EN1: variants seen among roughly 807,000 people sequenced by gnomAD.
EN1 encodes the protein homeobox protein engrailed-1.
EN1 carries 8 observed loss-of-function variants against 22.9 expected under a neutral mutation model. The ratio of observed to expected loss-of-function variants is 0.35; its 90% CI spans 0.20 to 0.63. The LOEUF (loss-of-function observed/expected upper bound fraction) is 0.63. Among genes scored for constraint, EN1 ranks in the 20% least tolerant of loss-of-function variants. EN1 has a pLI of 0.73. For synonymous variants in EN1, 287 were observed against 262.5 expected (o/e 1.09, Z -0.90); for missense variants, 521 against 572.1 (o/e 0.91, Z 0.91).
At position 118,846,389 on chromosome 2, in the gene EN1, G is replaced by A; in HGVS notation, c.779C>T (p.Pro260Leu). 2 of 1,612,520 alleles carry A rather than the reference G, an allele frequency of 1.2e-6. No individual in the cohort carries two copies. Among genetic ancestry groups the A allele is most frequent in the Non-Finnish European group, 1.7e-6 (2 of 1,179,772 alleles). ...CTGCTGCGAGTCAGTTTTGACCACGGGCCCGCCGTTGGCTGAGCCCATAAG... is the reference window on the plus strand; with the variant it reads ...CTGCTGCGAGTCAGTTTTGACCACGAGCCCGCCGTTGGCTGAGCCCATAAG... ...ILLMGSANGG[P>L]VVKTDSQQPL... is the part of the protein sequence containing the mutation. The change falls in exon 1 of 2, where the codon CCC (proline) becomes CTC (leucine). Residue 260 changes from proline to leucine, a missense_variant. By Grantham distance (98) the Pro-to-Leu change is moderately conservative. Transcript: ENST00000295206. This position sits in a 1 kb window ranked among gnomAD's most constrained non-coding sequence, Gnocchi z 5.0.
At position 118,847,143 on chromosome 2, in the gene EN1, T is replaced by G. The variant is rs1042574294; in HGVS notation, c.25A>C (p.Lys9Gln). 2.4e-6 allele frequency: 3 copies of G among 1,228,026 alleles called. No homozygotes were observed. The highest frequency in any genetic ancestry group is 3.3e-6 in the Non-Finnish European group (3 of 913,226). The allele number at this position is 1,228,026 out of a possible 1,614,324, so 76.1% of individuals were successfully genotyped here. Residue 9 changes from lysine to glutamine, a missense_variant, in exon 1 of 2, where the codon AAA becomes CAA. Physicochemically the swap from Lys to Gln is moderately conservative, Grantham distance 53. Transcript: ENST00000295206. MEEQQPEP[K>Q]SQRDSALGAA... ...CCGAGGGCCGAGTCGCGCTGACTTT[T>G]AGGTTCCGGCTGCTGTTCTTCCATG...
Position 118,842,819 on chromosome 2 carries a change from G to C in EN1, c.*119C>G. On this transcript the variant is annotated 3_prime_UTR_variant, in exon 2 of 2. Transcript: ENST00000295206. Reference sequence around the variant, plus strand: ...CTGAGGCTCTCTTTCTGTCTCTCTCGCTCTTTTCCCTGCGCTCCCTCCCTC... The same window carrying C: ...CTGAGGCTCTCTTTCTGTCTCTCTCCCTCTTTTCCCTGCGCTCCCTCCCTC... 1 of 1,417,626 alleles carries C rather than the reference G, an allele frequency of 7.1e-7. No homozygotes were observed. Among genetic ancestry groups the C allele is most frequent in the Non-Finnish European group, 9.3e-7 (1 of 1,079,852 alleles). The allele number at this position is 1,417,626 out of a possible 1,614,324, so 87.8% of individuals were successfully genotyped here. A position where few individuals can be genotyped will look rare whatever the true frequency, so the allele number is the denominator to read the frequency against.
Position 118,846,617 on chromosome 2 carries a change from T to C in EN1, c.551A>G (p.Gln184Arg). The change falls in exon 1 of 2, where the codon CAG (glutamine) becomes CGG (arginine). Residue 184 changes from glutamine (Q) to arginine (R), a missense_variant. By Grantham distance (43) the Gln-to-Arg change is conservative. This residue lies in a region of EN1 where 436 missense variants were observed against 410.1 expected (regional missense o/e 1.06). Transcript: ENST00000295206. The surrounding 1 kb of genome is among the most constrained non-coding windows in gnomAD (Gnocchi z 5.0). ...DANCGPPDGS[Q>R]PAAAGAGASK... ...CGCGCCCGCGCCGGCGGCGGCTGGC[T>C]GGGAGCCGTCGGGTGGGCCACAGTT... 2 of 1,457,016 alleles carry C rather than the reference T, an allele frequency of 1.4e-6. No individual in the cohort carries two copies. The highest frequency in any genetic ancestry group is 1.8e-6 in the Non-Finnish European group (2 of 1,109,130). 90.3% of individuals were successfully genotyped at this position (1,457,016 alleles called of 1,614,324 possible). A position where few individuals can be genotyped will look rare whatever the true frequency, so the allele number is the denominator to read the frequency against.
At position 118,847,258 on chromosome 2, in the gene EN1, G is replaced by C; in HGVS notation, c.-91C>G. Reference sequence around the variant, plus strand: ...CACTTTGCCAGCGGCCCGTGGGGGTGCGCGGAGGAAGGAGGCAGGCGAAGC... The same window carrying C: ...CACTTTGCCAGCGGCCCGTGGGGGTCCGCGGAGGAAGGAGGCAGGCGAAGC... On this transcript the variant is annotated 5_prime_UTR_variant, in exon 1 of 2. Coordinates refer to ENST00000295206, the MANE Select transcript of EN1 (RefSeq NM_001426.4). The C allele has an allele frequency of 2.3e-6, 1 of 438,710 alleles. No homozygotes were observed. The highest frequency in any genetic ancestry group is 3.9e-6 in the Non-Finnish European group (1 of 257,838). The allele number at this position is 438,710 out of a possible 1,614,324, so 27.2% of individuals were successfully genotyped here. A position where few individuals can be genotyped will look rare whatever the true frequency, so the allele number is the denominator to read the frequency against.
rs780184340 is a variant in EN1 at position 118,846,805 on chromosome 2, C to T, written c.363G>A (p.Gln121=). Residue 121 remains glutamine (Q), a synonymous_variant, in exon 1 of 2, where the codon CAG becomes CAA. Transcript: ENST00000295206. This position sits in a 1 kb window ranked among gnomAD's most constrained non-coding sequence, Gnocchi z 5.0. ...LRPDFGCKKE[Q]PPPQLLVAAA... Reference sequence around the variant, plus strand: ...CAGCCACCAGAAGCTGCGGTGGCGGCTGCTCCTTTTTGCAGCCGAAGTCCG... The same window carrying T: ...CAGCCACCAGAAGCTGCGGTGGCGGTTGCTCCTTTTTGCAGCCGAAGTCCG... The T allele has an allele frequency of 3.1e-6, 5 of 1,595,126 alleles. No homozygotes were observed. Among genetic ancestry groups the T allele is most frequent in the Non-Finnish European group, 4.2e-6 (5 of 1,177,138 alleles).
rs965575379 is a variant in EN1, at chr2:118,842,913, C to A, written c.*25G>T. On this transcript the variant is annotated 3_prime_UTR_variant, in exon 2 of 2. Coordinates refer to ENST00000295206, the MANE Select transcript of EN1 (RefSeq NM_001426.4). ...ACGGCGGCGGTGCCGGGAGGGGGCG[C>A]GGGCGCGGCCCCGGCCTGTGGCGGC... The A allele has an allele frequency of 3.8e-6, 6 of 1,584,050 alleles. No homozygotes were observed. The highest frequency in any genetic ancestry group is 5.2e-6 in the Non-Finnish European group (6 of 1,160,950).
In EN1 at chr2:118,846,769, T is replaced by C. The variant is rs1475699046; in HGVS notation, c.399A>G (p.Arg133=). 1.9e-6 allele frequency: 3 copies of C among 1,594,480 alleles called. No homozygotes were observed. The highest frequency in any genetic ancestry group is 2.2e-5 in the South Asian group (2 of 90,060). The change falls in exon 1 of 2, where the codon AGA becomes AGG. Residue 133 remains arginine, a synonymous_variant. Coordinates refer to ENST00000295206, the MANE Select transcript of EN1 (RefSeq NM_001426.4). This position sits in a 1 kb window ranked among gnomAD's most constrained non-coding sequence, Gnocchi z 5.0. ...PPQLLVAAAA[R]GGAGGGGRVE... ...CCCGGCCTCCTCCTCCTGCGCCTCCTCTGGCCGCCGCAGCCACCAGAAGCT... is the reference window on the plus strand; with the variant it reads ...CCCGGCCTCCTCCTCCTGCGCCTCCCCTGGCCGCCGCAGCCACCAGAAGCT...
At position 118,847,189 on chromosome 2, in the gene EN1, G is replaced by A. The variant is rs1249415705; in HGVS notation, c.-22C>T. ...CCATGCTCGGCCGCCCCGCCGCCCCGGCCGCCGCGCCGGCCCCCGCCCCCA... is the reference window on the plus strand; with the variant it reads ...CCATGCTCGGCCGCCCCGCCGCCCCAGCCGCCGCGCCGGCCCCCGCCCCCA... On this transcript the variant is annotated 5_prime_UTR_variant, in exon 1 of 2. Coordinates refer to ENST00000295206, the MANE Select transcript of EN1 (RefSeq NM_001426.4). 4.0e-6 allele frequency: 3 copies of A among 743,034 alleles called. No individual in the cohort carries two copies. The highest frequency in any genetic ancestry group is 3.6e-5 in the East Asian group (1 of 27,644). The allele number at this position is 743,034 out of a possible 1,614,324, so 46.0% of individuals were successfully genotyped here. A position where few individuals can be genotyped will look rare whatever the true frequency, so the allele number is the denominator to read the frequency against.
chr2:118,847,108 C>T lies in EN1; in HGVS notation c.60G>A (p.Ala20=), dbSNP rs938029391. 2 of 1,386,544 alleles carry T rather than the reference C, an allele frequency of 1.4e-6. No homozygotes were observed. The highest frequency in any genetic ancestry group is 3.0e-5 in the African/African-American group (2 of 65,940). The allele number at this position is 1,386,544 out of a possible 1,614,324, so 85.9% of individuals were successfully genotyped here. ...GGCTGAGGCCGCCCGGAGTCGCCGC[C>T]GCCGCCGCGCCGAGGGCCGAGTCGC... The part of the protein sequence containing the change: ...SQRDSALGAA[A]AATPGGLSLS... The change falls in exon 1 of 2, where the codon GCG becomes GCA. Residue 20 remains alanine, a synonymous_variant. Coordinates refer to ENST00000295206, the MANE Select transcript of EN1 (RefSeq NM_001426.4).
rs1310676551 is a variant in EN1 at position 118,847,021 on chromosome 2, C to A, written c.147G>T (p.Pro49=). Residue 49 remains proline, a synonymous_variant, in exon 1 of 2, where the codon CCG becomes CCT. Coordinates refer to ENST00000295206, the MANE Select transcript of EN1 (RefSeq NM_001426.4). ...AGGGGGGCGCAGGCTGCGGGGACAC[C>A]GGCACGCTGTCTCCATCGCTGCCGC... The part of the protein sequence containing the change: ...SGSGSDGDSV[P]VSPQPAPPSP... 8 of 1,400,734 alleles carry A rather than the reference C, an allele frequency of 5.7e-6. No individual in the cohort carries two copies. The highest frequency in any genetic ancestry group is 9.2e-7 in the Non-Finnish European group (1 of 1,081,982). The allele number at this position is 1,400,734 out of a possible 1,614,324, so 86.8% of individuals were successfully genotyped here.
chr2:118,842,858 C>A lies in EN1; in HGVS notation c.*80G>T. The A allele has an allele frequency of 6.6e-7, 1 of 1,507,732 alleles. No homozygotes were observed. Among genetic ancestry groups the A allele is most frequent in the Non-Finnish European group, 8.9e-7 (1 of 1,129,008 alleles). The allele number at this position is 1,507,732 out of a possible 1,614,324, so 93.4% of individuals were successfully genotyped here. A position where few individuals can be genotyped will look rare whatever the true frequency, so the allele number is the denominator to read the frequency against. On this transcript the variant is annotated 3_prime_UTR_variant, in exon 2 of 2. Transcript: ENST00000295206. Reference sequence around the variant, plus strand: ...GCTCCCTCCCTCCTTGGAGCAGATGCTTTCTCCCCCAGCGAGGGGCCGGGA... The same window carrying A: ...GCTCCCTCCCTCCTTGGAGCAGATGATTTCTCCCCCAGCGAGGGGCCGGGA...
At position 118,846,041 on chromosome 2, in the gene EN1, G is replaced by T. The variant is rs375200225; in HGVS notation, c.862+265C>A. 6.6e-6 allele frequency among the ~76,000 whole-genome samples: 1 copy of T among 151,994 alleles called. No individual in the cohort carries two copies. The highest frequency in any genetic ancestry group is 6.6e-5 in the Admixed American group (1 of 15,252). ...ATAATAAAGATAAGAGACAAAGAAG[G>T]CCCCAGGGATTCAGAGTTCAAAATC... On this transcript the variant is annotated intron_variant, in intron 1 of 1. Coordinates refer to ENST00000295206, the MANE Select transcript of EN1 (RefSeq NM_001426.4). This position sits in a 1 kb window ranked among gnomAD's most constrained non-coding sequence, Gnocchi z 5.0.
Position 118,847,202 on chromosome 2 carries a change from G to A in EN1, c.-35C>T. ...CCCCGCCGCCCCGGCCGCCGCGCCG[G>A]CCCCCGCCCCCACCGCCTCGCTCCC... On this transcript the variant is annotated 5_prime_UTR_variant, in exon 1 of 2. Transcript: ENST00000295206. 1 of 639,968 alleles carries A rather than the reference G, an allele frequency of 1.6e-6. No homozygotes were observed. Among genetic ancestry groups the A allele is most frequent in the Non-Finnish European group, 2.4e-6 (1 of 425,144 alleles). 39.6% of individuals were successfully genotyped at this position (639,968 alleles called of 1,614,324 possible). A position where few individuals can be genotyped will look rare whatever the true frequency, so the allele number is the denominator to read the frequency against.
chr2:118,843,007 C>A lies in EN1; in HGVS notation c.1110G>T (p.Leu370=), dbSNP rs1160968710. 1 of 1,614,164 alleles carries A rather than the reference C, an allele frequency of 6.2e-7. No homozygotes were observed. The highest frequency in any genetic ancestry group is 1.7e-5 in the Admixed American group (1 of 60,022). The change falls in exon 2 of 2, where the codon CTG becomes CTT. Residue 370 remains leucine (L), a synonymous_variant. Transcript: ENST00000295206. ...KATGIKNGLA[L]HLMAQGLYNH... ...TGTACAGTCCCTGGGCCATGAGGTG[C>A]AGCGCCAGGCCGTTCTTGATGCCTG...
chr2:118,842,612 G>A lies in EN1; in HGVS notation c.*326C>T. The stretch of plus-strand genomic sequence containing the variant: ...CAAATAGAGATCGCTACACGTATGT[G>A]TTTTCCTTACCTGAAATTAAATATA... On this transcript the variant is annotated 3_prime_UTR_variant, in exon 2 of 2. Coordinates refer to ENST00000295206, the MANE Select transcript of EN1 (RefSeq NM_001426.4). 1 of 208,546 alleles carries A rather than the reference G, an allele frequency of 4.8e-6. No homozygotes were observed. The allele number at this position is 208,546 out of a possible 1,614,324, so 12.9% of individuals were successfully genotyped here. A position where few individuals can be genotyped will look rare whatever the true frequency, so the allele number is the denominator to read the frequency against.
At position 118,847,031 on chromosome 2, in the gene EN1, T is replaced by A; in HGVS notation, c.137A>T (p.Asp46Val). Residue 46 changes from aspartate to valine, a missense_variant, in exon 1 of 2, where the codon GAC (aspartate) becomes GTC (valine). Physicochemically the swap from Asp to Val is radical, Grantham distance 152. Transcript: ENST00000295206. ...AGGCTGCGGGGACACCGGCACGCTG[T>A]CTCCATCGCTGCCGCTGCCGCTGCT... ...SGSSGSGSDG[D>V]SVPVSPQPAP... 7.1e-7 allele frequency: 1 copy of A among 1,410,236 alleles called. No homozygotes were observed. Among genetic ancestry groups the A allele is most frequent in the Non-Finnish European group, 9.2e-7 (1 of 1,085,238 alleles). The allele number at this position is 1,410,236 out of a possible 1,614,324, so 87.4% of individuals were successfully genotyped here. A position where few individuals can be genotyped will look rare whatever the true frequency, so the allele number is the denominator to read the frequency against.
At chr2:118,845,322 T>A (rs1678252960) in intron 1 of EN1, among the ~76,000 whole-genome samples, 1 of 152,216 alleles carries the variant, frequency 6.6e-6, no homozygotes. Flanking sequence ...CCAAAGCTTC[T>A]GCCGCTCTCC....
rs766252884 is a variant in EN1 at position 118,842,950 on chromosome 2, G to C, written c.1167C>G (p.Asp389Glu). 3 of 1,602,170 alleles carry C rather than the reference G, an allele frequency of 1.9e-6. No homozygotes were observed. Among genetic ancestry groups the C allele is most frequent in the Admixed American group, 3.3e-5 (2 of 59,802 alleles). ...NHSTTTVQDK[D>E]ESE is the part of the protein sequence containing the mutation. The stretch of plus-strand genomic sequence containing the variant: ...CGGCCTGTGGCGGCTACTCGCTCTC[G>C]TCTTTGTCCTGGACCGTGGTGGTGG... Residue 389 changes from aspartate (D) to glutamate (E), a missense_variant, in exon 2 of 2, where the codon GAC (aspartate) becomes GAG (glutamate). Around this residue, in one of 3 missense-constraint regions of EN1, gnomAD observed 35 missense variants for 40.2 expected, o/e 0.87. Coordinates refer to ENST00000295206, the MANE Select transcript of EN1 (RefSeq NM_001426.4).
chr2:118,842,958 C>A lies in EN1; in HGVS notation c.1159G>T (p.Asp387Tyr), dbSNP rs754945309. ...GGCGGCTACTCGCTCTCGTCTTTGT[C>A]CTGGACCGTGGTGGTGGAGTGGTTG... is the stretch of plus-strand genomic sequence containing the variant. Reference protein sequence around the residue: ...LYNHSTTTVQDKDESE With the variant: ...LYNHSTTTVQYKDESE Residue 387 changes from aspartate to tyrosine, a missense_variant, in exon 2 of 2, where the codon GAC becomes TAC. Transcript: ENST00000295206. 4.3e-6 allele frequency: 7 copies of A among 1,613,636 alleles called. No homozygotes were observed. Among genetic ancestry groups the A allele is most frequent in the Non-Finnish European group, 5.9e-6 (7 of 1,179,686 alleles).
Sources: allele counts gnomAD v4.1 joint callset (sites outside exome capture counted in the v4.1 genomes callset), GRCh38; gene constraint gnomAD v4.1.1; regional missense constraint gnomAD v4.1.1; non-coding constraint Gnocchi (gnomAD v3.1); transcripts MANE v1.5; gene names NCBI Gene and HGNC (gene_info 2026-07-23, HGNC 2026-07-21).